The following COLGALT1 variants were observed in gnomAD, a reference collection of about 807,000 sequenced individuals.
COLGALT1 encodes the protein collagen beta(1-O)galactosyltransferase 1.
A neutral mutation model predicts 60.8 loss-of-function variants in COLGALT1; 43 were observed. That is an observed-to-expected ratio of 0.71 (90% CI 0.55 to 0.91). The LOEUF is 0.91. Among genes scored for constraint, COLGALT1 ranks in the 40% least tolerant of loss-of-function variants. The probability of loss-of-function intolerance (pLI) is 0.00; values close to 1 mark genes in which losing one functional copy is unlikely to be tolerated. For missense variants in COLGALT1, 845 were observed against 880.0 expected, an observed-to-expected ratio of 0.96 and a Z score of 0.50; for synonymous variants, 369 against 374.2, an observed-to-expected ratio of 0.99 and a Z score of 0.16.
intron 3 of COLGALT1, among the ~76,000 whole-genome samples, chr19:17,564,812 TTTTGCAACCACCACC>T (rs2076271188): frequency 1.3e-5 from 2 of 152,276 alleles, no homozygotes; most frequent in Middle Eastern, 6.8e-3. Context: ...TATTTATTTG[TTTTGCAACCACCACC>T]TCTAATTCTA....
intron 3 of COLGALT1, 39 bp from the exon 4 acceptor site, chr19:17,567,367 C>G: frequency 6.2e-7 from 1 of 1,610,272 alleles, no homozygotes; most frequent in Non-Finnish European, 8.5e-7. Context: ...GTAGCCTGAC[C>G]TGGCAGCCCA....
chr19:17,565,810 T>C (rs1057495540), intron 3 of COLGALT1, among the ~76,000 whole-genome samples: 3 of 152,198 alleles, frequency 2.0e-5, no homozygotes, highest in Non-Finnish European at 4.4e-5. Flanking sequence ...TCTGGCTGTT[T>C]GTTCTGCATT....
chr19:17,580,727 G>A lies in COLGALT1; in HGVS notation c.1423G>A (p.Glu475Lys). The A allele has an allele frequency of 3.7e-6, 6 of 1,614,016 alleles. No homozygotes were observed. Among genetic ancestry groups the A allele is most frequent in the Non-Finnish European group, 5.1e-6 (6 of 1,180,012 alleles). ...IYVGRKRMQV[E>K]HPEKAVPRVR... ...TGTGGGCCGGAAGCGGATGCAGGTG[G>A]AGCACCCCGAGAAGGCTGTGCCTCG... Residue 475 changes from glutamate (E) to lysine (K), a missense_variant, in exon 11 of 12, where the codon GAG becomes AAG. Transcript: ENST00000252599.
intron 6 of COLGALT1, among the ~76,000 whole-genome samples, chr19:17,572,918 C>T (rs1568478985): frequency 1.3e-5 from 2 of 152,068 alleles, no homozygotes; most frequent in African/African-American, 2.4e-5. Context: ...GGGCAAAGGC[C>T]GGGAGGCTGG....
chr19:17,581,801 A>C lies in COLGALT1; in HGVS notation c.*357A>C, dbSNP rs2076384498. On this transcript the variant is annotated 3_prime_UTR_variant, in exon 12 of 12. Transcript: ENST00000252599. ...CGATTGATTCAGTCATCAAGCAGTT[A>C]CTGATCAGATTAAGAATCAGGCACT... The C allele has an allele frequency of 3.3e-6, 1 of 304,506 alleles. No homozygotes were observed. The highest frequency in any genetic ancestry group is 4.7e-5 in the Admixed American group (1 of 21,354). The allele number at this position is 304,506 out of a possible 1,614,324, so 18.9% of individuals were successfully genotyped here. A position where few individuals can be genotyped will look rare whatever the true frequency, so the allele number is the denominator to read the frequency against.
chr19:17,580,403 C>T (rs938557059), intron 10 of COLGALT1: 5 of 492,138 alleles, frequency 1.0e-5, no homozygotes, highest in Non-Finnish European at 1.5e-5. Context: ...CCTCCACCCC[C>T]ACTGTCCTCT....
chr19:17,562,971 G>C (rs1052123826), intron 3 of COLGALT1, among the ~76,000 whole-genome samples: 2 of 152,004 alleles, frequency 1.3e-5, no homozygotes, highest in African/African-American at 4.8e-5. Context: ...CTTGCCTGGT[G>C]GGGTGTCAGA....
intron 5 of COLGALT1, among the ~76,000 whole-genome samples, chr19:17,570,419 A>AT (rs1464261264): frequency 6.6e-6 from 1 of 151,642 alleles, no homozygotes; most frequent in Non-Finnish European, 1.5e-5. Context: ...GAAAAAAAAA[A>AT]TGTTTTTGTA....
chr19:17,575,958 C>T (rs2076338132), intron 6 of COLGALT1, among the ~76,000 whole-genome samples: 1 of 152,176 alleles, frequency 6.6e-6, no homozygotes, highest in Non-Finnish European at 1.5e-5. Flanking sequence ...ACAGTTCACC[C>T]CATGACATAG....
intron 5 of COLGALT1, among the ~76,000 whole-genome samples, chr19:17,569,085 C>T (rs769084927): frequency 1.7e-4 from 26 of 151,970 alleles, no homozygotes; most frequent in Admixed American, 4.6e-4. Flanking sequence ...AAAAATTAGC[C>T]GGACGTGGTG....
chr19:17,560,513 T>C, intron 3 of COLGALT1, 48 bp downstream of exon 3: 1 of 1,491,456 alleles, frequency 6.7e-7, no homozygotes, highest in Non-Finnish European at 9.4e-7. Flanking sequence ...GGTCTGGGTA[T>C]CCCCAGGGAA....
At chr19:17,574,027 ACCAGCAGCCGT>A (rs1159671236) in intron 6 of COLGALT1, among the ~76,000 whole-genome samples, 1 of 152,178 alleles carries the variant, frequency 6.6e-6, no homozygotes, top group East Asian at 1.9e-4. Context: ...GAACTATGAA[ACCAGCAGCCGT>A]CCCTCTAAAA....
chr19:17,561,186 GAC>G (rs1555768133), intron 3 of COLGALT1, among the ~76,000 whole-genome samples: 2 of 151,198 alleles, frequency 1.3e-5, no homozygotes, highest in Non-Finnish European at 2.9e-5. Context: ...GTCACTGGGC[GAC>G]ACAGTGAGAC....
intron 6 of COLGALT1, among the ~76,000 whole-genome samples, chr19:17,573,105 A>C (rs1340789963): frequency 1.3e-5 from 2 of 152,076 alleles, no homozygotes; most frequent in African/African-American, 4.8e-5. Flanking sequence ...AAAGAACTGC[A>C]TGTATAGGCC....
At chr19:17,563,316 A>G (rs937720400) in intron 3 of COLGALT1, among the ~76,000 whole-genome samples, 5 of 141,728 alleles carry the variant, frequency 3.5e-5, no homozygotes, top group Non-Finnish European at 7.5e-5. Flanking sequence ...TCGGCCTCCC[A>G]AGTAGCTGGG....
chr19:17,576,777 G>T (rs1201945840), intron 6 of COLGALT1, among the ~76,000 whole-genome samples: 2 of 150,502 alleles, frequency 1.3e-5, no homozygotes, highest in Admixed American at 6.6e-5. Context: ...CCTGGGGCGT[G>T]GCCAGGGCTG....
At chr19:17,558,767 A>G (rs1219771156) in intron 1 of COLGALT1, among the ~76,000 whole-genome samples, 1 of 152,120 alleles carries the variant, frequency 6.6e-6, no homozygotes, top group African/African-American at 2.4e-5. Flanking sequence ...GCCAATCACT[A>G]ATGGGTCTTT....
At chr19:17,556,904 C>A (rs1232241246) in intron 1 of COLGALT1, among the ~76,000 whole-genome samples, 1 of 152,048 alleles carries the variant, frequency 6.6e-6, no homozygotes, top group Non-Finnish European at 1.5e-5. Flanking sequence ...CAGAGTAAGA[C>A]CTGCCTCTAA....
At chr19:17,580,293 T>C (rs1473121339) in intron 10 of COLGALT1, 2 of 254,830 alleles carry the variant, frequency 7.8e-6, no homozygotes, top group African/African-American at 2.3e-5. Flanking sequence ...TTCCCTTCCA[T>C]GTGCAGTGCC....
Sources: allele counts gnomAD v4.1 joint callset (sites outside exome capture counted in the v4.1 genomes callset), GRCh38; gene constraint gnomAD v4.1.1; transcripts MANE v1.5; gene names NCBI Gene and HGNC (gene_info 2026-07-23, HGNC 2026-07-21).